Variants in LRP5 observed in about 807,000 individuals in gnomAD.
LRP5 encodes the protein LDL receptor related protein 5, also known as low-density lipoprotein receptor-related protein 5.
LRP5 carries 62 observed loss-of-function variants against 154.1 expected under a neutral mutation model. The ratio of observed to expected loss-of-function variants is 0.40; its 90% CI spans 0.33 to 0.50. The LOEUF is 0.50. Among genes scored for constraint, LRP5 ranks in the 20% least tolerant of loss-of-function variants. The pLI is 0.55. For synonymous variants in LRP5, 966 were observed against 1,011.5 expected, an observed-to-expected ratio of 0.96 and a Z score of 0.85; for missense variants, 1,915 against 2,336.7, an observed-to-expected ratio of 0.82 and a Z score of 3.72.
At chr11:68,306,614 C>T in the LRP5 span, among the ~76,000 whole-genome samples, 2 of 152,314 alleles carry the variant, frequency 1.3e-5, no homozygotes, top group East Asian at 3.9e-4. Flanking sequence ...TTTTGAAGGC[C>T]ACTGTTCAAT....
intron 5 of LRP5, among the ~76,000 whole-genome samples, chr11:68,376,529 C>T (rs1040456565): frequency 6.6e-6 from 1 of 152,176 alleles, no homozygotes; most frequent in African/African-American, 2.4e-5. Context: ...GCCGAGAGCT[C>T]GCTGAGGTCT....
intron 1 of LRP5, among the ~76,000 whole-genome samples, chr11:68,315,266 C>T (rs560816733): frequency 3.9e-5 from 6 of 152,324 alleles, no homozygotes; most frequent in South Asian, 4.1e-4. Context: ...CTGCAGTGAG[C>T]GCAGTTGTGT....
At chr11:68,395,491 A>G (rs660925) in intron 7 of LRP5, among the ~76,000 whole-genome samples, 93,196 of 151,726 alleles carry the variant, frequency 0.61, 29,902 homozygotes, top group East Asian at 0.84. Context: ...GTGATGGCGC[A>G]GGGCACGGGT....
intron 1 of LRP5, among the ~76,000 whole-genome samples, chr11:68,334,658 T>G (rs1252595375): frequency 6.6e-6 from 1 of 152,068 alleles, no homozygotes; most frequent in Non-Finnish European, 1.5e-5. Context: ...GTGGATCACT[T>G]GAGGTTAGGA....
chr11:68,347,155 C>T (rs1426771407), intron 1 of LRP5, among the ~76,000 whole-genome samples: 1 of 152,180 alleles, frequency 6.6e-6, no homozygotes, highest in East Asian at 1.9e-4. Context: ...TGACCTTGTT[C>T]TGCATGGCAC....
chr11:68,430,439 T>C (rs2098671281), intron 17 of LRP5, among the ~76,000 whole-genome samples: 1 of 152,216 alleles, frequency 6.6e-6, no homozygotes, highest in Non-Finnish European at 1.5e-5. Flanking sequence ...CCCAAAGTGC[T>C]GGGATTATAG....
At chr11:68,382,918 C>T (rs1475525762) in intron 5 of LRP5, among the ~76,000 whole-genome samples, 3 of 151,822 alleles carry the variant, frequency 2.0e-5, no homozygotes, top group Non-Finnish European at 2.9e-5. Flanking sequence ...CACCCCAACG[C>T]GCAGGCTGGA....
At chr11:68,403,425 T>G (rs192343298) in intron 7 of LRP5, 58 bp from the exon 8 acceptor site, 1 of 1,515,228 alleles carries the variant, frequency 6.6e-7, no homozygotes, top group East Asian at 2.3e-5. Flanking sequence ...AGGGTCCGGG[T>G]TGGCTCTCGT....
intron 8 of LRP5, 98 bp downstream of exon 8, chr11:68,403,797 G>T: frequency 3.5e-6 from 5 of 1,439,202 alleles, no homozygotes; most frequent in Non-Finnish European, 4.8e-6. Context: ...GAGCTCAGGT[G>T]CCCCGACCTG....
chr11:68,393,537 T>C (rs1328334434), intron 7 of LRP5, among the ~76,000 whole-genome samples: 3 of 152,202 alleles, frequency 2.0e-5, no homozygotes, highest in African/African-American at 7.2e-5. Context: ...TCCCAGCACT[T>C]TGGGAGGCCG....
At position 68,395,613 on chromosome 11, in the gene LRP5, C is replaced by T. The variant is rs192987054; in HGVS notation, c.1584+5561C>T. Among the ~76,000 whole-genome samples, 34 of 152,166 alleles carry T rather than the reference C, an allele frequency of 2.2e-4. No homozygotes were observed. The East Asian group carries it at 2.5e-3, about 11-fold the overall frequency. On this transcript the variant is annotated intron_variant, in intron 7 of 22. Transcript: ENST00000294304. ...CTAAGAGGGGGATACATTGCATAAGCGTTTTCAGACTACCTCATCATGGGT... is the reference window on the plus strand; with the variant it reads ...CTAAGAGGGGGATACATTGCATAAGTGTTTTCAGACTACCTCATCATGGGT...
At chr11:68,363,675 T>A in intron 3 of LRP5, 72 bp from the exon 4 acceptor site, 1 of 1,251,054 alleles carries the variant, frequency 8.0e-7, no homozygotes, top group South Asian at 1.3e-5. Context: ...AAAAAGAAAT[T>A]AATTGGGTCA....
chr11:68,318,281 C>G (rs1305624707), intron 1 of LRP5, among the ~76,000 whole-genome samples: 1 of 151,488 alleles, frequency 6.6e-6, no homozygotes, highest in Non-Finnish European at 1.5e-5. Flanking sequence ...GTCTCCATCT[C>G]CTGATCCTCC....
intron 21 of LRP5, among the ~76,000 whole-genome samples, chr11:68,443,585 ATTT>A (rs1219762322): frequency 1.8e-3 from 45 of 24,830 alleles, no homozygotes; most frequent in East Asian, 3.1e-3. Flanking sequence ...ATATATATAT[ATTT>A]TTTTTTTTTT....
At chr11:68,333,107 C>T (rs2098603812) in intron 1 of LRP5, among the ~76,000 whole-genome samples, 1 of 152,112 alleles carries the variant, frequency 6.6e-6, no homozygotes, top group Admixed American at 6.5e-5. Context: ...GTCATCGTAG[C>T]TGCATGAGGG....
At chr11:68,374,228 G>A in intron 5 of LRP5, among the ~76,000 whole-genome samples, 1 of 152,350 alleles carries the variant, frequency 6.6e-6, no homozygotes, top group South Asian at 2.1e-4. Flanking sequence ...CCCTCCGTCT[G>A]TCCGGGCGGA....
At chr11:68,360,189 A>AT (rs1032639485) in intron 3 of LRP5, among the ~76,000 whole-genome samples, 3 of 151,794 alleles carry the variant, frequency 2.0e-5, no homozygotes, top group African/African-American at 7.3e-5. Context: ...TTTATTTGGT[A>AT]TTTTTTTTGT....
At chr11:68,328,312 G>A (rs1182956345) in intron 1 of LRP5, among the ~76,000 whole-genome samples, 2 of 152,188 alleles carry the variant, frequency 1.3e-5, no homozygotes, top group African/African-American at 4.8e-5. Flanking sequence ...GATAAATTTG[G>A]CATGTCTTTA....
rs760613534 is a variant in LRP5, at chr11:68,439,908, T to C, written c.4480T>C (p.Tyr1494His). 6.9e-7 allele frequency: 1 copy of C among 1,444,468 alleles called. No homozygotes were observed. The highest frequency in any genetic ancestry group is 1.3e-5 in the South Asian group (1 of 75,480). The allele number at this position is 1,444,468 out of a possible 1,614,324, so 89.5% of individuals were successfully genotyped here. The change falls in exon 21 of 23, where the codon TAC (tyrosine) becomes CAC (histidine). Residue 1494 changes from tyrosine to histidine, a missense_variant. Transcript: ENST00000294304. ...SSSSSTKATL[Y>H]PPILNPPPSP... ...CTCGTCCAGCACGAAGGCCACGCTG[T>C]ACCCGCCGGTGAGGGGCGGGGCCGG...
Sources: allele counts gnomAD v4.1 joint callset (sites outside exome capture counted in the v4.1 genomes callset), GRCh38; gene constraint gnomAD v4.1.1; transcripts MANE v1.5; gene names NCBI Gene and HGNC (gene_info 2026-07-23, HGNC 2026-07-21).